SCRN1: variants seen among roughly 807,000 people sequenced by gnomAD.
SCRN1 encodes secernin-1.
Under a neutral mutation model 43.3 loss-of-function variants are expected in SCRN1, and 19 were observed. The observed-to-expected ratio is 0.44, with a 90% CI of 0.31 to 0.64. The LOEUF is 0.64. Ranked by LOEUF, SCRN1 falls within the 30% of genes least tolerant of loss-of-function variation. The probability of loss-of-function intolerance (pLI) is 0.09; values close to 1 mark genes in which losing one functional copy is unlikely to be tolerated. For missense variants in SCRN1, 447 were observed against 524.1 expected (o/e 0.85, Z 1.44); for synonymous variants, 183 against 188.9 (o/e 0.97, Z 0.26).
chr7:29,988,458 A>G lies in SCRN1; in HGVS notation c.-2+1184T>C, dbSNP rs563841984. 5.0e-4 allele frequency: 76 copies of G among 152,224 alleles called. No individual in the cohort carries two copies. The Middle Eastern group carries it at 0.01, about 20-fold the overall frequency. 9.4% of individuals were successfully genotyped at this position (152,224 alleles called of 1,614,324 possible). ...TAGCCAGCTCCAAGAATCACTCTCTACTCCATACCCGGATGAGCCTTGACT... is the reference window on the plus strand; with the variant it reads ...TAGCCAGCTCCAAGAATCACTCTCTGCTCCATACCCGGATGAGCCTTGACT... On this transcript the variant is annotated intron_variant, in intron 1 of 7. Transcript: ENST00000242059.
At chr7:29,945,511 C>A (rs1787708437) in intron 3 of SCRN1, among the ~76,000 whole-genome samples, 1 of 152,160 alleles carries the variant, frequency 6.6e-6, no homozygotes, top group Non-Finnish European at 1.5e-5. Flanking sequence ...AAAATGAACG[C>A]CCACATCATT....
chr7:29,974,723 G>GC (rs1788759912), intron 1 of SCRN1, among the ~76,000 whole-genome samples: 1 of 137,690 alleles, frequency 7.3e-6, no homozygotes, highest in South Asian at 2.2e-4. Context: ...TTGCTCTGTC[G>GC]CCCAGGCTGG....
At chr7:29,949,320 A>G (rs1272121651) in intron 3 of SCRN1, among the ~76,000 whole-genome samples, 1 of 128,256 alleles carries the variant, frequency 7.8e-6, no homozygotes, top group Non-Finnish European at 1.7e-5. Flanking sequence ...GTCTAAAAAA[A>G]GAAAAAAAAA....
At chr7:29,984,918 C>CA (rs748869830) in intron 1 of SCRN1, among the ~76,000 whole-genome samples, 1,001 of 55,356 alleles carry the variant, frequency 0.018, 61 homozygotes, top group Non-Finnish European at 0.025. Context: ...GACTCTGTCT[C>CA]AAAAAAAAAA....
chr7:29,925,115 G>A (rs529826962), intron 7 of SCRN1, among the ~76,000 whole-genome samples: 37 of 152,246 alleles, frequency 2.4e-4, no homozygotes, highest in Middle Eastern at 6.8e-3. Flanking sequence ...AGGAACTAAT[G>A]TGGACAGCCC....
At chr7:29,949,813 A>G (rs1787858299) in intron 3 of SCRN1, among the ~76,000 whole-genome samples, 1 of 151,768 alleles carries the variant, frequency 6.6e-6, no homozygotes, top group Non-Finnish European at 1.5e-5. Context: ...AGTTGGGACC[A>G]CAAGCATGCA....
chr7:29,924,891 G>GC (rs1298000588), intron 7 of SCRN1, among the ~76,000 whole-genome samples: 3 of 152,032 alleles, frequency 2.0e-5, no homozygotes, highest in Non-Finnish European at 4.4e-5. Context: ...CTCACCACCC[G>GC]CCCACCACTG....
chr7:29,957,851 G>A (rs1788184165), intron 2 of SCRN1, among the ~76,000 whole-genome samples: 1 of 152,170 alleles, frequency 6.6e-6, no homozygotes, highest in African/African-American at 2.4e-5. Context: ...GTCCAGAGAG[G>A]TCCCTGCTGT....
In SCRN1 at chr7:29,986,717, ATTT is replaced by A. The variant is rs553845779; in HGVS notation, c.-2+2922_-2+2924del. ...GCAAGTTAGTTTTCTAATTTTTTTA[ATTT>A]TTTTTTTTTTTTTTTTTTTTTTGAG... On this transcript the variant is annotated intron_variant, in intron 1 of 7. Transcript: ENST00000242059. 7.5e-3 allele frequency among the ~76,000 whole-genome samples: 753 copies of A among 99,800 alleles called. 2 individuals are homozygous for A. The highest frequency in any genetic ancestry group is 0.01 in the Non-Finnish European group (552 of 52,912). 65.5% of individuals were successfully genotyped at this position (99,800 alleles called of 152,430 possible).
chr7:29,967,648 T>C (rs1192376227), intron 2 of SCRN1, among the ~76,000 whole-genome samples: 3 of 152,160 alleles, frequency 2.0e-5, no homozygotes, highest in Admixed American at 6.6e-5. Context: ...TCAGGTCAGG[T>C]GCAGAGCCAA....
intron 1 of SCRN1, among the ~76,000 whole-genome samples, chr7:29,972,764 G>A (rs1427155247): frequency 6.6e-6 from 1 of 152,142 alleles, no homozygotes; most frequent in Non-Finnish European, 1.5e-5. Context: ...AAAATTTTCT[G>A]TAGAAAATTC....
intron 2 of SCRN1, among the ~76,000 whole-genome samples, chr7:29,966,032 G>A (rs1788476521): frequency 6.6e-6 from 1 of 151,884 alleles, no homozygotes; most frequent in African/African-American, 2.4e-5. Flanking sequence ...GCAAACAGCA[G>A]GGATAATGTG....
At chr7:29,986,871 C>T (rs1477095037) in intron 1 of SCRN1, among the ~76,000 whole-genome samples, 1 of 151,544 alleles carries the variant, frequency 6.6e-6, no homozygotes, top group Non-Finnish European at 1.5e-5. Context: ...ACTACAGGCG[C>T]GTGCCACCAT....
Position 29,965,358 on chromosome 7 carries a change from T to C in SCRN1, c.159+3551A>G, listed in dbSNP as rs530099878. ...CAGGAGAAAGAGACCCAGGGACAAA[T>C]GAGAAGATTGTAGCAGAAAAGAGAT... is the stretch of plus-strand genomic sequence containing the variant. On this transcript the variant is annotated intron_variant, in intron 2 of 7. Transcript: ENST00000242059. This position sits in a 1 kb window ranked among gnomAD's most constrained non-coding sequence, Gnocchi z 4.2. Among the ~76,000 whole-genome samples the C allele has an allele frequency of 6.6e-6, 1 of 151,878 alleles. No homozygotes were observed. The highest frequency in any genetic ancestry group is 2.1e-4 in the South Asian group (1 of 4,796).
At chr7:29,941,169 A>C (rs931672293) in intron 4 of SCRN1, among the ~76,000 whole-genome samples, 2 of 152,216 alleles carry the variant, frequency 1.3e-5, no homozygotes, top group East Asian at 3.8e-4. Context: ...ATTTTGGCTA[A>C]ATAAGCCCCA....
intron 1 of SCRN1, among the ~76,000 whole-genome samples, chr7:29,975,564 T>C (rs1788801601): frequency 2.0e-5 from 3 of 152,234 alleles, no homozygotes; most frequent in Non-Finnish European, 4.4e-5. Flanking sequence ...TCTCATACAG[T>C]AAGGGTAAGT....
intron 2 of SCRN1, among the ~76,000 whole-genome samples, chr7:29,960,368 T>C (rs1197540387): frequency 6.6e-6 from 1 of 151,602 alleles, no homozygotes; most frequent in Non-Finnish European, 1.5e-5. Context: ...GTATTTCATG[T>C]AGTGGAAAAC....
intron 2 of SCRN1, among the ~76,000 whole-genome samples, chr7:29,966,738 T>C (rs1203628532): frequency 3.3e-5 from 5 of 152,192 alleles, no homozygotes; most frequent in Non-Finnish European, 5.9e-5. Flanking sequence ...GAGAGGAAAG[T>C]GGGTCTGGTG....
intron 1 of SCRN1, among the ~76,000 whole-genome samples, chr7:29,982,290 C>T (rs1304759689): frequency 6.6e-6 from 1 of 152,176 alleles, no homozygotes; most frequent in Admixed American, 6.5e-5. Context: ...CTAAGTCATA[C>T]ATATACATAT....
Sources: gnomAD v4.1 joint callset for allele counts (sites outside exome capture counted in the v4.1 genomes callset) on GRCh38, gnomAD v4.1.1 for gene constraint, Gnocchi (gnomAD v3.1) non-coding constraint, MANE v1.5 for transcripts, NCBI Gene and HGNC (gene_info 2026-07-23, HGNC 2026-07-21) for gene names.